The following EPN2 variants were observed in gnomAD, a reference collection of about 807,000 sequenced individuals.
EPN2 encodes the protein epsin-2.
Under a neutral mutation model 61.7 loss-of-function variants are expected in EPN2, and 34 were observed. The observed-to-expected ratio is 0.55, with a 90% CI of 0.42 to 0.73. The LOEUF (loss-of-function observed/expected upper bound fraction) is 0.73, where lower values mean the gene tolerates loss of function less well. Ranked by LOEUF, EPN2 falls within the 30% of genes least tolerant of loss-of-function variation. The pLI, the probability that EPN2 is intolerant of heterozygous loss-of-function variation, is 0.00. For missense variants in EPN2, 714 were observed against 839.2 expected (o/e 0.85, Z 1.84); for synonymous variants, 349 against 353.6 (o/e 0.99, Z 0.15).
At chr17:19,303,174 C>T (rs1386764164) in intron 4 of EPN2, among the ~76,000 whole-genome samples, 1 of 152,168 alleles carries the variant, frequency 6.6e-6, no homozygotes, top group Non-Finnish European at 1.5e-5. Flanking sequence ...TGTGGGTATC[C>T]TCACATTACT....
chr17:19,237,778 C>T (rs561390185), intron 1 of EPN2, among the ~76,000 whole-genome samples: 5 of 152,104 alleles, frequency 3.3e-5, no homozygotes, highest in African/African-American at 1.2e-4. Context: ...CTTTCCGCTG[C>T]AAGGATCTCC....
chr17:19,242,425 A>G (rs2076978458), intron 1 of EPN2, among the ~76,000 whole-genome samples: 1 of 152,208 alleles, frequency 6.6e-6, no homozygotes, highest in African/African-American at 2.4e-5. Flanking sequence ...TCTTGTCTCA[A>G]AAAACAAAAA....
chr17:19,241,902 C>T (rs560004255), intron 1 of EPN2, among the ~76,000 whole-genome samples: 8 of 152,122 alleles, frequency 5.3e-5, no homozygotes, highest in Non-Finnish European at 1.0e-4. Context: ...GTCCCTTCTG[C>T]TCCACTGGCC....
intron 7 of EPN2, among the ~76,000 whole-genome samples, chr17:19,324,710 A>T (rs896650688): frequency 1.3e-5 from 2 of 152,248 alleles, no homozygotes; most frequent in Non-Finnish European, 2.9e-5. Context: ...AAATGTTCAC[A>T]TTAGTAAAAA....
At chr17:19,331,358 C>T (rs115973018) in intron 9 of EPN2, among the ~76,000 whole-genome samples, 1,782 of 152,200 alleles carry the variant, frequency 0.012, 26 homozygotes, top group African/African-American at 0.039. Context: ...ATTCCTGTAC[C>T]GTGAAGCATC....
chr17:19,314,817 C>G (rs1567865598), intron 7 of EPN2, among the ~76,000 whole-genome samples: 1 of 152,228 alleles, frequency 6.6e-6, no homozygotes, highest in Non-Finnish European at 1.5e-5. Context: ...TTTTACTCAC[C>G]ACACATGGGG....
At chr17:19,331,034 C>T (rs983908283) in intron 9 of EPN2, among the ~76,000 whole-genome samples, 4 of 152,076 alleles carry the variant, frequency 2.6e-5, no homozygotes, top group Non-Finnish European at 5.9e-5. Context: ...CTTTTTTGCT[C>T]AGCTCATATT....
intron 7 of EPN2, among the ~76,000 whole-genome samples, chr17:19,317,383 T>C (rs1305038757): frequency 6.6e-6 from 1 of 152,202 alleles, no homozygotes; most frequent in Non-Finnish European, 1.5e-5. Context: ...GCTGGAGCCC[T>C]CTCTCTGTAC....
chr17:19,239,049 A>G (rs189242920), intron 1 of EPN2, among the ~76,000 whole-genome samples: 17 of 152,344 alleles, frequency 1.1e-4, no homozygotes, highest in African/African-American at 4.1e-4. Flanking sequence ...ATTTAAATGA[A>G]CATCAAAAGG....
chr17:19,243,099 T>C (rs2044902951), intron 1 of EPN2, among the ~76,000 whole-genome samples: 1 of 152,114 alleles, frequency 6.6e-6, no homozygotes, highest in African/African-American at 2.4e-5. Flanking sequence ...CTTCATGAAA[T>C]AGACTAGCCT....
At position 19,309,989 on chromosome 17, in the gene EPN2, G is replaced by GC; in HGVS notation, c.872dup (p.Glu292Ter). 6.2e-7 allele frequency: 1 copy of GC among 1,605,984 alleles called. No homozygotes were observed. Among genetic ancestry groups the GC allele is most frequent in the Non-Finnish European group, 8.5e-7 (1 of 1,179,552 alleles). ...GGCACTTGCCATGAGCAGAGAAGTG[G>GC]CTGAGCAGGTCAGTGCCCCAGGCAG... is the stretch of plus-strand genomic sequence containing the variant. On this transcript the variant is annotated frameshift_variant, in exon 5 of 11. Coordinates refer to ENST00000314728, the MANE Select transcript of EPN2 (RefSeq NM_014964.5). LOFTEE classifies it high-confidence loss of function.
chr17:19,292,421 G>C (rs1057025143), intron 4 of EPN2, among the ~76,000 whole-genome samples: 1 of 152,184 alleles, frequency 6.6e-6, no homozygotes, highest in Admixed American at 6.5e-5. Context: ...ATCTTGTTTT[G>C]GTGGAACAAA....
At chr17:19,257,757 A>T (rs2045096899) in intron 1 of EPN2, among the ~76,000 whole-genome samples, 1 of 152,084 alleles carries the variant, frequency 6.6e-6, no homozygotes, top group South Asian at 2.1e-4. Flanking sequence ...ACTTCAGGTG[A>T]TCCACCCGCC....
At chr17:19,304,969 A>T (rs1905758211) in intron 4 of EPN2, among the ~76,000 whole-genome samples, 1 of 152,188 alleles carries the variant, frequency 6.6e-6, no homozygotes, top group South Asian at 2.1e-4. Context: ...CACCAGGCCC[A>T]GGGACATAGG....
In EPN2 at chr17:19,283,415, A is replaced by G. The variant is rs778979636; in HGVS notation, c.296A>G (p.Asn99Ser). ...CGTGTGGCCCAGCAGTGCCGGGAGA[A>G]CATCTTCGCCATCCAGACCCTGAAG... ...SERVAQQCRE[N>S]IFAIQTLKDF... is the part of the protein sequence containing the mutation. Residue 99 changes from asparagine to serine, a missense_variant, in exon 3 of 11, where the codon AAC becomes AGC. By Grantham distance (46) the Asn-to-Ser change is conservative. Around this residue, in one of 2 missense-constraint regions of EPN2, gnomAD observed 304 missense variants for 417.4 expected, o/e 0.73. Transcript: ENST00000314728. The surrounding 1 kb of genome is among the most constrained non-coding windows in gnomAD (Gnocchi z 7.0). The G allele has an allele frequency of 1.2e-6, 2 of 1,614,200 alleles. No homozygotes were observed. Among genetic ancestry groups the G allele is most frequent in the Non-Finnish European group, 1.7e-6 (2 of 1,180,026 alleles).
Position 19,318,156 on chromosome 17 carries a change from G to C in EPN2, c.1147+4877G>C, listed in dbSNP as rs563720185. Among the ~76,000 whole-genome samples the C allele has an allele frequency of 2.4e-4, 37 of 152,322 alleles. No homozygotes were observed. In the East Asian group the frequency reaches 6.6e-3, roughly 27 times the overall value. ...AAACAGCTTGTCCATGATTACCTGG[G>C]TGATTTGGAGGTGGTCAGGATTTGA... On this transcript the variant is annotated intron_variant, in intron 7 of 10. Coordinates refer to ENST00000314728, the MANE Select transcript of EPN2 (RefSeq NM_014964.5).
In EPN2 at chr17:19,285,987, T is replaced by A. The variant is rs1385134570; in HGVS notation, c.766+197T>A. Among the ~76,000 whole-genome samples, 1 of 152,164 alleles carries A rather than the reference T, an allele frequency of 6.6e-6. No homozygotes were observed. The highest frequency in any genetic ancestry group is 2.4e-5 in the African/African-American group (1 of 41,444). On this transcript the variant is annotated intron_variant, in intron 4 of 10. Transcript: ENST00000314728. The surrounding 1 kb of genome is among the most constrained non-coding windows in gnomAD (Gnocchi z 4.5). ...GTCGTGCTCCGCTTCCAGGATCACA[T>A]GTCACTTGCTAGAAGTTCTGTCAAA...
chr17:19,329,605 G>T lies in EPN2; in HGVS notation c.1369G>T (p.Asp457Tyr). 6.2e-7 allele frequency: 1 copy of T among 1,613,598 alleles called. No homozygotes were observed. The highest frequency in any genetic ancestry group is 1.1e-5 in the South Asian group (1 of 91,026). Residue 457 changes from aspartate to tyrosine, a missense_variant, in exon 9 of 11, where the codon GAC becomes TAC. Physicochemically the swap from Asp to Tyr is radical, Grantham distance 160 (BLOSUM62 -3). This residue lies in a region of EPN2 where 410 missense variants were observed against 421.8 expected (regional missense o/e 0.97). Transcript: ENST00000314728. ...TAATCTGAATGGTACAATTAAAGAT[G>T]ACTTTTCTGAATTTGACAACCTTCG... ...FSNLNGTIKD[D>Y]FSEFDNLRTS... is the part of the protein sequence containing the mutation.
At chr17:19,284,717 A>T (rs2045388306) in intron 3 of EPN2, among the ~76,000 whole-genome samples, 1 of 152,218 alleles carries the variant, frequency 6.6e-6, no homozygotes, top group Admixed American at 6.5e-5. Flanking sequence ...CAGACCATTT[A>T]CTAACATTTC....
Sources: allele counts gnomAD v4.1 joint callset (sites outside exome capture counted in the v4.1 genomes callset), GRCh38; gene constraint gnomAD v4.1.1; regional missense constraint gnomAD v4.1.1; non-coding constraint Gnocchi (gnomAD v3.1); transcripts MANE v1.5; gene names NCBI Gene and HGNC (gene_info 2026-07-23, HGNC 2026-07-21).